The following ZNF248 variants were observed in gnomAD, a reference collection of about 807,000 sequenced individuals.
ZNF248 encodes the protein KRAB protein domain.
Under a neutral mutation model 44.3 loss-of-function variants are expected in ZNF248, and 20 were observed. The ratio of observed to expected loss-of-function variants is 0.45; its 90% CI spans 0.32 to 0.66. ZNF248 has a LOEUF of 0.66. ZNF248 is among the 30% of genes least tolerant of loss of function. ZNF248 has a pLI of 0.04. For missense variants in ZNF248, 654 were observed against 677.0 expected (o/e 0.97, Z 0.38); for synonymous variants, 224 against 229.0 (o/e 0.98, Z 0.20).
downstream of ZNF248, among the ~76,000 whole-genome samples, chr10:37,824,672 A>ATTTTTTTTTTT (rs1564542451): frequency 4.9e-4 from 30 of 61,304 alleles, no homozygotes; most frequent in African/African-American, 1.9e-3. Context: ...AATTATTTTA[A>ATTTTTTTTTTT]ATTTTTTTTT....
intron 3 of ZNF248, among the ~76,000 whole-genome samples, chr10:37,843,762 C>G (rs1589828380): frequency 6.6e-6 from 1 of 151,794 alleles, no homozygotes; most frequent in Non-Finnish European, 1.5e-5. Flanking sequence ...GTAAAATGAC[C>G]GAAATTTAAA....
At chr10:37,824,529 T>C (rs1381262447), downstream of ZNF248, among the ~76,000 whole-genome samples, 1 of 152,118 alleles carries the variant, frequency 6.6e-6, no homozygotes, top group Admixed American at 6.5e-5. Context: ...ACATGGTACG[T>C]GTAAATGTTT....
rs535038672 is a variant in ZNF248 at position 37,780,973 on chromosome 10, GCGGGACACGTTTTTGTTCGGGACCATT to G, written c.331-4425_331-4399del. The stretch of plus-strand genomic sequence containing the variant: ...GCAGAGCACAGTTGTTGGGGACCGT[GCGGGACACGTTTTTGTTCGGGACCATT>G]CGGGACACGTGAACTGCGGGGATAT... On this transcript the variant is annotated intron_variant, in intron 6 of 6. Coordinates refer to the ZNF248 transcript ENST00000615949. Among the ~76,000 whole-genome samples, 485 of 152,324 alleles carry G rather than the reference GCGGGACACGTTTTTGTTCGGGACCATT, an allele frequency of 3.2e-3. 1 individual carries two copies. Among genetic ancestry groups the G allele is most frequent in the African/African-American group, 0.011 (456 of 41,568 alleles).
At chr10:37,819,199 A>G in intron 6 of ZNF248, 1 of 799,920 alleles carries the variant, frequency 1.3e-6, no homozygotes, top group Non-Finnish European at 2.2e-6. Context: ...AAGCATTTAC[A>G]GTCTGCATGA....
At chr10:37,820,795 T>C in intron 6 of ZNF248, 1 of 1,173,290 alleles carries the variant, frequency 8.5e-7, no homozygotes, top group Non-Finnish European at 1.3e-6. Flanking sequence ...CTCTCCTTCA[T>C]TTTGCCTTTT....
intron 6 of ZNF248, among the ~76,000 whole-genome samples, chr10:37,789,359 TTTCAGACTCCATAAAC>T (rs2048250305): frequency 6.6e-6 from 1 of 151,958 alleles, no homozygotes; most frequent in Non-Finnish European, 1.5e-5. Context: ...CAGAGTAATT[TTTCAGACTCCATAAAC>T]TTATTGTTAG....
In ZNF248 at chr10:37,832,512, C is replaced by G. The variant is rs2056057216; in HGVS notation, c.843G>C (p.Met281Ile). The G allele has an allele frequency of 6.2e-7, 1 of 1,613,872 alleles. No homozygotes were observed. The highest frequency in any genetic ancestry group is 8.5e-7 in the Non-Finnish European group (1 of 1,179,922). ...CTCTCTGATGTCCAAACCTTAAATT[C>G]ATGCAGAAGGACTTCCCGCAAATAC... is the stretch of plus-strand genomic sequence containing the variant. ...GCSICGKSFC[M>I]NLRFGHQRAL... Residue 281 changes from methionine (M) to isoleucine (I), a missense_variant, in exon 6 of 6, where the codon ATG becomes ATC. Transcript: ENST00000395867.
chr10:37,778,527 G>A (rs2046878144), intron 6 of ZNF248, among the ~76,000 whole-genome samples: 1 of 151,882 alleles, frequency 6.6e-6, no homozygotes, highest in Non-Finnish European at 1.5e-5. Flanking sequence ...CTGTGCAGAA[G>A]CTCTTTAGTT....
chr10:37,851,936 A>G (rs2060327834), intron 3 of ZNF248, among the ~76,000 whole-genome samples: 1 of 152,128 alleles, frequency 6.6e-6, no homozygotes, highest in African/African-American at 2.4e-5. Flanking sequence ...AGGTCCTTCA[A>G]CAGGTGGATG....
At chr10:37,841,429 T>C (rs1230877664) in intron 3 of ZNF248, among the ~76,000 whole-genome samples, 3 of 144,656 alleles carry the variant, frequency 2.1e-5, no homozygotes, top group African/African-American at 7.7e-5. Flanking sequence ...TTTCATGCAT[T>C]AAAAACAAAA....
At chr10:37,837,073 T>C (rs1366498127) in intron 5 of ZNF248, among the ~76,000 whole-genome samples, 2 of 149,496 alleles carry the variant, frequency 1.3e-5, no homozygotes, top group African/African-American at 4.9e-5. Flanking sequence ...ATAAGTAAAA[T>C]ACTTTAAAAT....
At chr10:37,771,799 A>G (rs964213345), downstream of ZNF248, among the ~76,000 whole-genome samples, 6 of 152,154 alleles carry the variant, frequency 3.9e-5, no homozygotes, top group African/African-American at 1.2e-4. Context: ...ATTAAAAAAA[A>G]CAATCGATGC....
chr10:37,832,084 G>C lies in ZNF248; in HGVS notation c.1271C>G (p.Thr424Ser). The C allele has an allele frequency of 1.2e-6, 2 of 1,613,898 alleles. No homozygotes were observed. The highest frequency in any genetic ancestry group is 1.7e-6 in the Non-Finnish European group (2 of 1,179,924). Residue 424 changes from threonine to serine, a missense_variant, in exon 6 of 6, where the codon ACC (threonine) becomes AGC (serine). Coordinates refer to ENST00000395867, the MANE Select transcript of ZNF248 (RefSeq NM_021045.3). ...TCCTGTATGTGTTCGCTGATGGTTG[G>C]TCAGGTGTGGTTTCTGGCAAAAGGC... ...GKAFCQKPHL[T>S]NHQRTHTGEK...
chr10:37,857,636 C>G (rs1376995183), upstream of ZNF248: 1 of 152,344 alleles, frequency 6.6e-6, no homozygotes, highest in African/African-American at 2.4e-5. Flanking sequence ...GCTCAGGGCA[C>G]AAAAAGCGCA....
At chr10:37,766,104 G>C in the ZNF248 span, among the ~76,000 whole-genome samples, 1 of 152,288 alleles carries the variant, frequency 6.6e-6, no homozygotes, top group African/African-American at 2.4e-5. Context: ...AAACAAAGCA[G>C]CCAGGAAGCT....
downstream of ZNF248, among the ~76,000 whole-genome samples, chr10:37,825,060 A>G (rs2133738703): frequency 6.6e-6 from 1 of 152,138 alleles, no homozygotes; most frequent in African/African-American, 2.4e-5. Context: ...GTTAAAGTAT[A>G]TCTCCCAGAA....
chr10:37,851,490 T>C (rs2060212532), intron 3 of ZNF248, among the ~76,000 whole-genome samples: 1 of 152,164 alleles, frequency 6.6e-6, no homozygotes, highest in Admixed American at 6.5e-5. Context: ...AGATGCCATA[T>C]AAGCTGGAAT....
intron 6 of ZNF248, chr10:37,821,060 C>A: frequency 4.7e-6 from 4 of 843,564 alleles, no homozygotes; most frequent in Non-Finnish European, 7.6e-6. Context: ...ATCAGTTATG[C>A]TCACTTCACT....
chr10:37,824,672 A>ATTTTTTTTTTTTTTT (rs1564542451), downstream of ZNF248, among the ~76,000 whole-genome samples: 9 of 61,304 alleles, frequency 1.5e-4, 1 homozygote, highest in African/African-American at 5.4e-4. Flanking sequence ...AATTATTTTA[A>ATTTTTTTTTTTTTTT]ATTTTTTTTT....
Sources: gnomAD v4.1 joint callset for allele counts (sites outside exome capture counted in the v4.1 genomes callset) on GRCh38, gnomAD v4.1.1 for gene constraint, MANE v1.5 for transcripts, NCBI Gene and HGNC (gene_info 2026-07-23, HGNC 2026-07-21) for gene names.